LMO7: variants seen among roughly 807,000 people sequenced by gnomAD.
LMO7 encodes the protein LIM domain only protein 7.
In LMO7, 120 loss-of-function variants were observed where a neutral mutation model predicts 206.5. The observed-to-expected ratio is 0.58, with a 90% confidence interval of 0.50 to 0.68. LMO7 has a LOEUF of 0.68. Among genes scored for constraint, LMO7 ranks in the 30% least tolerant of loss-of-function variants. The pLI is 0.00. For synonymous variants in LMO7, 706 were observed against 681.5 expected (o/e 1.04, Z -0.56); for missense variants, 1,959 against 1,957.9 (o/e 1.00, Z -0.01).
chr13:75,728,510 A>G (rs1247698781), intron 3 of LMO7, among the ~76,000 whole-genome samples: 1 of 145,160 alleles, frequency 6.9e-6, no homozygotes, highest in African/African-American at 2.6e-5. Context: ...AGTTCATTGT[A>G]GATTCTGGAT....
intron 1 of LMO7, among the ~76,000 whole-genome samples, chr13:75,710,817 C>G (rs2043043901): frequency 1.3e-5 from 2 of 151,944 alleles, no homozygotes; most frequent in Non-Finnish European, 2.9e-5. Context: ...TTGCCCTGGC[C>G]AGAACTTCCA....
chr13:75,813,435 G>A (rs1011585357), intron 11 of LMO7, among the ~76,000 whole-genome samples: 1 of 152,210 alleles, frequency 6.6e-6, no homozygotes, highest in African/African-American at 2.4e-5. Context: ...GGGCTCGGAA[G>A]TGATCTGATG....
intron 12 of LMO7, among the ~76,000 whole-genome samples, chr13:75,817,949 T>G (rs559248460): frequency 2.8e-4 from 43 of 152,260 alleles, no homozygotes; most frequent in African/African-American, 9.9e-4. Flanking sequence ...GTAGACAAAC[T>G]ATCAGAGCAA....
rs567622894 is a variant in LMO7 at position 75,732,140 on chromosome 13, C to T, written c.210+5042C>T. Among the ~76,000 whole-genome samples, 35 of 152,120 alleles carry T rather than the reference C, an allele frequency of 2.3e-4. No individual in the cohort carries two copies. The South Asian group carries it at 5.2e-3, about 23-fold the overall frequency. On this transcript the variant is annotated intron_variant, in intron 3 of 30. Coordinates refer to ENST00000377534, the MANE Select transcript of LMO7 (RefSeq NM_001306080.2). ...TTCTCGAGGAGTATCTCTGTGGCGT[C>T]CTCTGTATTTCCTGAATCTGAATGT... is the stretch of plus-strand genomic sequence containing the variant.
intron 1 of LMO7, among the ~76,000 whole-genome samples, chr13:75,658,750 A>ATT (rs759656229): frequency 2.8e-5 from 4 of 143,842 alleles, no homozygotes; most frequent in Non-Finnish European, 4.6e-5. Context: ...CGCCCAGCTA[A>ATT]TTTTTTTTTT....
intron 3 of LMO7, among the ~76,000 whole-genome samples, chr13:75,759,877 G>A (rs2048006062): frequency 6.6e-6 from 1 of 152,140 alleles, no homozygotes; most frequent in South Asian, 2.1e-4. Context: ...CTCTTAGGGA[G>A]GGAGGTGAGG....
At chr13:75,798,414 T>C (rs2054308195) in intron 6 of LMO7, among the ~76,000 whole-genome samples, 2 of 152,210 alleles carry the variant, frequency 1.3e-5, no homozygotes, top group Non-Finnish European at 2.9e-5. Context: ...GCTGTCTTTG[T>C]AGCCTTTGGT....
intron 3 of LMO7, among the ~76,000 whole-genome samples, chr13:75,757,154 C>T (rs1427074554): frequency 6.6e-6 from 1 of 152,152 alleles, no homozygotes; most frequent in Non-Finnish European, 1.5e-5. Flanking sequence ...TTGGAGATGT[C>T]CATTTGGTAA....
At chr13:75,724,882 G>C (rs1281240580) in intron 2 of LMO7, among the ~76,000 whole-genome samples, 1 of 152,042 alleles carries the variant, frequency 6.6e-6, no homozygotes, top group Non-Finnish European at 1.5e-5. Context: ...AGGCTACTTT[G>C]TGTGTTATTC....
chr13:75,699,047 G>T (rs772116748), intron 1 of LMO7, among the ~76,000 whole-genome samples: 1 of 152,032 alleles, frequency 6.6e-6, no homozygotes, highest in Admixed American at 6.6e-5. Flanking sequence ...GACATTTCAC[G>T]TAAATAGAAT....
At chr13:75,737,777 T>TGAAATAAAAAAA (rs1555305719) in intron 3 of LMO7, among the ~76,000 whole-genome samples, 1 of 22,700 alleles carries the variant, frequency 4.4e-5, no homozygotes, top group Non-Finnish European at 6.9e-5. Context: ...TAAAATAAAA[T>TGAAATAAAAAAA]AAAATAAAAA....
intron 4 of LMO7, among the ~76,000 whole-genome samples, chr13:75,778,654 G>C (rs1011937547): frequency 6.6e-6 from 1 of 152,200 alleles, no homozygotes; most frequent in Non-Finnish European, 1.5e-5. Context: ...ACTTAACTTC[G>C]AGTTTCTTTG....
At chr13:75,774,640 A>C (rs1008057576) in intron 4 of LMO7, among the ~76,000 whole-genome samples, 2 of 152,068 alleles carry the variant, frequency 1.3e-5, no homozygotes, top group African/African-American at 4.8e-5. Context: ...CCATGTACTT[A>C]ATGGCTGTTT....
At chr13:75,846,898 G>T (rs1015220757) in intron 26 of LMO7, among the ~76,000 whole-genome samples, 3 of 152,072 alleles carry the variant, frequency 2.0e-5, no homozygotes, top group African/African-American at 4.8e-5. Context: ...AGGCGTGGTG[G>T]CATGTGCCTG....
intron 1 of LMO7, among the ~76,000 whole-genome samples, chr13:75,637,795 A>G (rs979988255): frequency 6.6e-6 from 1 of 152,258 alleles, no homozygotes; most frequent in Non-Finnish European, 1.5e-5. Flanking sequence ...TACATTTCTT[A>G]CGCTAAATAA....
chr13:75,772,760 T>C (rs1309563172), intron 4 of LMO7, among the ~76,000 whole-genome samples: 1 of 151,852 alleles, frequency 6.6e-6, no homozygotes, highest in African/African-American at 2.4e-5. Context: ...TATGGGGGAG[T>C]TTGTAATTTT....
chr13:75,840,403 ACCATCAGTGCCC>A lies in LMO7; in HGVS notation c.3492_3503del (p.Ile1165_Pro1168del). 1 of 1,614,048 alleles carries A rather than the reference ACCATCAGTGCCC, an allele frequency of 6.2e-7. No individual in the cohort carries two copies. Among genetic ancestry groups the A allele is most frequent in the Non-Finnish European group, 8.5e-7 (1 of 1,179,988 alleles). ...GATAACTGGTTAGCTTCCAGTTCCAACCATCAGTGCCCCGAGTCGCTGGGTGTGGGATCAAGA... is the reference window on the plus strand; with the variant it reads ...GATAACTGGTTAGCTTCCAGTTCCAACGAGTCGCTGGGTGTGGGATCAAGA... On this transcript the variant is annotated inframe_deletion, in exon 22 of 31. Transcript: ENST00000377534.
rs1220337832 is a variant in LMO7, at chr13:75,800,738, G to A, written c.517G>A (p.Asp173Asn). Residue 173 changes from aspartate (D) to asparagine (N), a missense_variant, in exon 7 of 31, where the codon GAC becomes AAC. Physicochemically the swap from Asp to Asn is conservative, Grantham distance 23. Transcript: ENST00000377534. ...KRSGRDSGYG[D>N]IWCPERGEFL... is the part of the protein sequence containing the mutation. ...AAGTGGCAGGGACAGTGGCTACGGT[G>A]ACATCTGGTGTCCTGAACGTGGAGA... The A allele has an allele frequency of 1.9e-6, 3 of 1,614,160 alleles. No homozygotes were observed. The highest frequency in any genetic ancestry group is 1.6e-4 in the Middle Eastern group (1 of 6,062).
chr13:75,765,694 C>A (rs2048776753), intron 4 of LMO7, among the ~76,000 whole-genome samples: 1 of 152,046 alleles, frequency 6.6e-6, no homozygotes, highest in Admixed American at 6.6e-5. Flanking sequence ...ATCTAAGAGT[C>A]CTAGCTGCAG....
Sources: allele counts gnomAD v4.1 joint callset (sites outside exome capture counted in the v4.1 genomes callset), GRCh38; gene constraint gnomAD v4.1.1; transcripts MANE v1.5; gene names NCBI Gene and HGNC (gene_info 2026-07-23, HGNC 2026-07-21).